The following ACSF2 variants were observed in gnomAD, a reference collection of about 807,000 sequenced individuals.
ACSF2 encodes the protein medium-chain acyl-CoA ligase ACSF2, mitochondrial.
ACSF2 carries 52 observed loss-of-function variants against 79.3 expected under a neutral mutation model. The observed-to-expected ratio is 0.66, with a 90% CI of 0.53 to 0.83. The LOEUF is 0.83. Among genes scored for constraint, ACSF2 ranks in the 40% least tolerant of loss-of-function variants. The pLI, the probability that ACSF2 is intolerant of heterozygous loss-of-function variation, is 0.00. For synonymous variants in ACSF2, 283 were observed against 312.6 expected (o/e 0.91, Z 1.00); for missense variants, 661 against 803.3 (o/e 0.82, Z 2.14).
Position 50,472,438 on chromosome 17 carries a change from T to C in ACSF2, c.1334T>C (p.Met445Thr). The C allele has an allele frequency of 6.2e-7, 1 of 1,612,238 alleles. No homozygotes were observed. Among genetic ancestry groups the C allele is most frequent in the Non-Finnish European group, 8.5e-7 (1 of 1,179,230 alleles). ...GCCATCCTGTCCCAGGCCCGGATCATGAACATGGAGGCAGGGACGCTGGCA... is the reference window on the plus strand; with the variant it reads ...GCCATCCTGTCCCAGGCCCGGATCACGAACATGGAGGCAGGGACGCTGGCA... ...RIMPHTEARI[M>T]NMEAGTLAKL... Residue 445 changes from methionine to threonine, a missense_variant, in exon 12 of 16, where the codon ATG becomes ACG. Met to Thr is a moderately conservative substitution (Grantham distance 81). Transcript: ENST00000300441.
chr17:50,456,471 A>C (rs954388862), intron 1 of ACSF2, among the ~76,000 whole-genome samples: 2 of 152,002 alleles, frequency 1.3e-5, no homozygotes, highest in African/African-American at 4.8e-5. Context: ...GGTGGCTCAC[A>C]CCTGTAATCC....
chr17:50,463,953 T>C lies in ACSF2; in HGVS notation c.1138+44T>C. 1.3e-6 allele frequency: 2 copies of C among 1,540,336 alleles called. No homozygotes were observed. The highest frequency in any genetic ancestry group is 1.8e-6 in the Non-Finnish European group (2 of 1,126,494). ...CAGCCAGGCTTGGGGAGGGGGCTGC[T>C]TCCCCCACAGGAATGGCCCGGGTGA... On this transcript the variant is annotated intron_variant, in intron 9 of 15. Coordinates refer to ENST00000300441, the MANE Select transcript of ACSF2 (RefSeq NM_025149.6). The surrounding 1 kb of genome is among the most constrained non-coding windows in gnomAD (Gnocchi z 4.6).
At position 50,463,960 on chromosome 17, in the gene ACSF2, A is replaced by C; in HGVS notation, c.1138+51A>C. 1.3e-6 allele frequency: 2 copies of C among 1,548,628 alleles called. No individual in the cohort carries two copies. Among genetic ancestry groups the C allele is most frequent in the Non-Finnish European group, 1.8e-6 (2 of 1,129,810 alleles). On this transcript the variant is annotated intron_variant, in intron 9 of 15. Transcript: ENST00000300441. This position sits in a 1 kb window ranked among gnomAD's most constrained non-coding sequence, Gnocchi z 4.6. ...GCTTGGGGAGGGGGCTGCTTCCCCC[A>C]CAGGAATGGCCCGGGTGAGTTAGCT...
intron 1 of ACSF2, among the ~76,000 whole-genome samples, chr17:50,428,996 C>T (rs889608401): frequency 1.3e-5 from 2 of 152,246 alleles, no homozygotes; most frequent in African/African-American, 4.8e-5. Context: ...GTGAGGAATG[C>T]GCTTGGACTT....
At chr17:50,437,985 G>A (rs2030571681) in intron 1 of ACSF2, among the ~76,000 whole-genome samples, 1 of 152,178 alleles carries the variant, frequency 6.6e-6, no homozygotes, top group Admixed American at 6.5e-5. Context: ...CCCCACCAGA[G>A]AGCCACCATC....
At chr17:50,461,419 A>G (rs376746237) in intron 3 of ACSF2, 49 bp downstream of exon 3, 1 of 1,610,960 alleles carries the variant, frequency 6.2e-7, no homozygotes, top group African/African-American at 1.3e-5. Context: ...GGGGAACATC[A>G]CTGAAGGGGA....
At chr17:50,462,724 C>T in intron 6 of ACSF2, 139 bp downstream of exon 6, 2 of 1,021,356 alleles carry the variant, frequency 2.0e-6, no homozygotes, top group South Asian at 3.3e-5. Flanking sequence ...CCTCTCTGCC[C>T]TGGAAAATAT....
chr17:50,462,967 CCTTAT>C (rs1458686356), intron 6 of ACSF2, 184 bp from the exon 7 acceptor site: 1 of 615,814 alleles, frequency 1.6e-6, no homozygotes, highest in Non-Finnish European at 2.8e-6. Context: ...AGAACGGAGA[CCTTAT>C]CTTCTGCATT....
rs754204685 is a variant in ACSF2, at chr17:50,462,213, G to A, written c.537G>A (p.Lys179=). The change falls in exon 5 of 16, where the codon AAG becomes AAA. Residue 179 remains lysine, a synonymous_variant. Transcript: ENST00000300441. ...KVGCKALVFP[K]QFKTQQYYNV... is the part of the protein sequence containing the mutation. Reference sequence around the variant, plus strand: ...GCTGCAAGGCCCTTGTGTTCCCCAAGCAATTCAAGACCCAGCAATACTACA... The same window carrying A: ...GCTGCAAGGCCCTTGTGTTCCCCAAACAATTCAAGACCCAGCAATACTACA... 8 of 1,614,018 alleles carry A rather than the reference G, an allele frequency of 5.0e-6. No homozygotes were observed. Among genetic ancestry groups the A allele is most frequent in the Admixed American group, 1.7e-5 (1 of 60,028 alleles).
rs778086500 is a variant in ACSF2, at chr17:50,474,160, C to T, written c.1729-39C>T. 3.8e-5 allele frequency: 62 copies of T among 1,612,134 alleles called. No individual in the cohort carries two copies. In the Middle Eastern group the frequency reaches 8.2e-4, roughly 21 times the overall value. On this transcript the variant is annotated intron_variant, in intron 14 of 15. Transcript: ENST00000300441. This position sits in a 1 kb window ranked among gnomAD's most constrained non-coding sequence, Gnocchi z 4.2. ...CCCTACCCATACCCCTGTGAGCTTG[C>T]GCAGCCTCACGCCTTACCTCCCTCC...
chr17:50,451,535 C>A (rs1157495600), intron 1 of ACSF2, among the ~76,000 whole-genome samples: 1 of 152,142 alleles, frequency 6.6e-6, no homozygotes, highest in African/African-American at 2.4e-5. Context: ...TTGCAAACTC[C>A]ACCTTTCAGG....
intron 1 of ACSF2, among the ~76,000 whole-genome samples, chr17:50,453,499 C>T (rs934677390): frequency 5.3e-5 from 8 of 151,956 alleles, no homozygotes; most frequent in African/African-American, 9.7e-5. Context: ...TGAGCCACCG[C>T]GCTCGGCCTC....
intron 10 of ACSF2, chr17:50,464,777 G>GGT (rs1491226384): frequency 1.8e-5 from 6 of 331,048 alleles, no homozygotes; most frequent in African/African-American, 9.7e-5. Context: ...CTTGGGGGGG[G>GGT]GGTCTCAGCA....
rs112317577 is a variant in ACSF2, at chr17:50,444,899, A to G, written c.129-15778A>G. Among the ~76,000 whole-genome samples, 926 of 151,992 alleles carry G rather than the reference A, an allele frequency of 6.1e-3. 18 individuals are homozygous for G. The highest frequency in any genetic ancestry group is 0.021 in the African/African-American group (886 of 41,444). On this transcript the variant is annotated intron_variant, in intron 1 of 15. Transcript: ENST00000300441. ...TCACTTGGTCTGTTTTGGTGGAAAA[A>G]TGTTTGCAATTAGATAATGTGGCTT...
At chr17:50,428,537 C>T (rs991370933) in intron 1 of ACSF2, among the ~76,000 whole-genome samples, 2 of 151,316 alleles carry the variant, frequency 1.3e-5, no homozygotes, top group Non-Finnish European at 2.9e-5. Flanking sequence ...GTAATCCCAG[C>T]ACTTTGGGAG....
At chr17:50,449,275 C>T (rs537304809) in intron 1 of ACSF2, among the ~76,000 whole-genome samples, 203 of 151,988 alleles carry the variant, frequency 1.3e-3, no homozygotes, top group Non-Finnish European at 2.2e-3. Flanking sequence ...CCTCGGCCTC[C>T]CAAAGTGCTA....
At chr17:50,442,628 G>T (rs1486380269) in intron 1 of ACSF2, among the ~76,000 whole-genome samples, 1 of 151,916 alleles carries the variant, frequency 6.6e-6, no homozygotes, top group Non-Finnish European at 1.5e-5. Flanking sequence ...ACCACACCTG[G>T]CTAATTTTTA....
intron 10 of ACSF2, chr17:50,468,206 T>C: frequency 1.2e-6 from 2 of 1,613,468 alleles, no homozygotes; most frequent in East Asian, 2.2e-5. Flanking sequence ...CTGGTTCCTG[T>C]CCACGTGGAA....
intron 13 of ACSF2, 42 bp downstream of exon 13, chr17:50,473,848 A>G: frequency 6.2e-7 from 1 of 1,612,110 alleles, no homozygotes; most frequent in Non-Finnish European, 8.5e-7. Context: ...AACAAGAAAC[A>G]CACATGAACA....
Sources: gnomAD v4.1 joint callset for allele counts (sites outside exome capture counted in the v4.1 genomes callset) on GRCh38, gnomAD v4.1.1 for gene constraint, Gnocchi (gnomAD v3.1) non-coding constraint, MANE v1.5 for transcripts, NCBI Gene and HGNC (gene_info 2026-07-23, HGNC 2026-07-21) for gene names.